The following SLMAP variants were observed in gnomAD, a reference collection of about 807,000 sequenced individuals.
The protein encoded by SLMAP is sarcolemmal membrane-associated protein.
A neutral mutation model predicts 128.8 loss-of-function variants in SLMAP; 44 were observed. That is an observed-to-expected ratio of 0.34 (90% CI 0.27 to 0.44). The LOEUF is 0.44. SLMAP is among the 20% of genes least tolerant of loss of function. The pLI is 1.00. For missense variants in SLMAP, 787 were observed against 985.3 expected (o/e 0.80, Z 2.69); for synonymous variants, 327 against 348.8 (o/e 0.94, Z 0.70).
At chr3:57,853,608 C>T (rs2094583674) in intron 6 of SLMAP, among the ~76,000 whole-genome samples, 1 of 152,036 alleles carries the variant, frequency 6.6e-6, no homozygotes, top group Admixed American at 6.6e-5. Flanking sequence ...AACAAGCCAC[C>T]TAAAGTTTAG....
intron 2 of SLMAP, among the ~76,000 whole-genome samples, chr3:57,828,710 T>G (rs1167735602): frequency 6.6e-6 from 1 of 152,152 alleles, no homozygotes; most frequent in Non-Finnish European, 1.5e-5. Context: ...AGGCCAAAGG[T>G]ACCATGGTAT....
chr3:57,770,508 T>C (rs2080630344), intron 2 of SLMAP, among the ~76,000 whole-genome samples: 1 of 151,942 alleles, frequency 6.6e-6, no homozygotes, highest in Non-Finnish European at 1.5e-5. Flanking sequence ...GGGAAGAAAA[T>C]AGAGCTGCTG....
chr3:57,906,760 A>G (rs2096580125), intron 17 of SLMAP, among the ~76,000 whole-genome samples: 1 of 150,506 alleles, frequency 6.6e-6, no homozygotes, highest in African/African-American at 2.4e-5. Context: ...TTTTTGATGA[A>G]TTGAAGTTAT....
At chr3:57,865,622 C>T (rs748649673) in intron 13 of SLMAP, among the ~76,000 whole-genome samples, 9 of 152,180 alleles carry the variant, frequency 5.9e-5, no homozygotes, top group Non-Finnish European at 1.2e-4. Flanking sequence ...AGTTCTGCCT[C>T]CAGTGATACT....
At chr3:57,874,807 C>T (rs951724071) in intron 14 of SLMAP, among the ~76,000 whole-genome samples, 19 of 149,302 alleles carry the variant, frequency 1.3e-4, no homozygotes, top group Admixed American at 8.1e-4. Context: ...TGCAGTGAGC[C>T]GAGATTGTGC....
At chr3:57,861,759 G>A (rs983298242) in intron 9 of SLMAP, among the ~76,000 whole-genome samples, 190 bp from the exon 10 acceptor site, 3 of 151,962 alleles carry the variant, frequency 2.0e-5, no homozygotes, top group African/African-American at 7.3e-5. Context: ...TTAATTCTTA[G>A]TTATGTTTTC....
At chr3:57,879,136 G>T (rs1049508310) in intron 14 of SLMAP, among the ~76,000 whole-genome samples, 1 of 152,192 alleles carries the variant, frequency 6.6e-6, no homozygotes, top group African/African-American at 2.4e-5. Context: ...GAGATTACAG[G>T]CATGAGCCAC....
intron 4 of SLMAP, among the ~76,000 whole-genome samples, chr3:57,846,083 G>A (rs1040969375): frequency 5.9e-5 from 9 of 152,016 alleles, no homozygotes; most frequent in Admixed American, 1.3e-4. Context: ...CTCGTGATCC[G>A]CCCACCTTGG....
chr3:57,810,111 G>A (rs961575122), intron 2 of SLMAP, among the ~76,000 whole-genome samples: 1 of 152,136 alleles, frequency 6.6e-6, no homozygotes, highest in Non-Finnish European at 1.5e-5. Flanking sequence ...AAGCTTCCAG[G>A]TGCCACCATG....
chr3:57,893,349 G>C (rs897014555), intron 15 of SLMAP, among the ~76,000 whole-genome samples: 2 of 151,790 alleles, frequency 1.3e-5, no homozygotes, highest in Non-Finnish European at 2.9e-5. Context: ...TGGGAGGATG[G>C]CTTGAGCCCA....
chr3:57,839,235 T>C (rs1057302874), intron 3 of SLMAP, among the ~76,000 whole-genome samples: 5 of 151,720 alleles, frequency 3.3e-5, no homozygotes, highest in African/African-American at 1.2e-4. Flanking sequence ...CACTGTGCCC[T>C]GCCAATAGAT....
In SLMAP at chr3:57,757,272, C is replaced by G. The variant is rs561773912; in HGVS notation, c.-380C>G. On this transcript the variant is annotated 5_prime_UTR_variant, in exon 2 of 25. Transcript: ENST00000671191. ...GGGGAAAAGCGGCCGCGATCTCAAA[C>G]CAAACACAAGAATTGGCGTGTGACT... The G allele has an allele frequency of 3.4e-6, 1 of 293,002 alleles. No homozygotes were observed. The highest frequency in any genetic ancestry group is 6.6e-6 in the Non-Finnish European group (1 of 152,000). The allele number at this position is 293,002 out of a possible 1,614,324, so 18.2% of individuals were successfully genotyped here. A position where few individuals can be genotyped will look rare whatever the true frequency, so the allele number is the denominator to read the frequency against.
intron 13 of SLMAP, among the ~76,000 whole-genome samples, chr3:57,869,677 C>T (rs1243714011): frequency 1.1e-5 from 1 of 93,062 alleles, no homozygotes; most frequent in African/African-American, 4.1e-5. Context: ...ATAAACAAAA[C>T]AAATTCTAAT....
At position 57,757,352 on chromosome 3, in the gene SLMAP, G is replaced by A. The variant is rs1404195149; in HGVS notation, c.-300G>A. On this transcript the variant is annotated 5_prime_UTR_variant, in exon 2 of 25. Coordinates refer to ENST00000671191, the MANE Select transcript of SLMAP (RefSeq NM_001377540.1). ...CTGTGTTCCAGGAGTTTTCTTGGCC[G>A]AAGCTGCCCGATGTTTGAGCCTTTT... 1.1e-5 allele frequency: 5 copies of A among 453,934 alleles called. No homozygotes were observed. Among genetic ancestry groups the A allele is most frequent in the Non-Finnish European group, 1.6e-5 (4 of 246,774 alleles). The allele number at this position is 453,934 out of a possible 1,614,324, so 28.1% of individuals were successfully genotyped here. A position where few individuals can be genotyped will look rare whatever the true frequency, so the allele number is the denominator to read the frequency against.
chr3:57,811,070 T>C (rs890082273), intron 2 of SLMAP, among the ~76,000 whole-genome samples: 4 of 152,218 alleles, frequency 2.6e-5, no homozygotes, highest in African/African-American at 9.6e-5. Context: ...AAAAAATTTT[T>C]ATTGTGATAA....
At chr3:57,882,007 TTAAA>T (rs367882992) in intron 14 of SLMAP, among the ~76,000 whole-genome samples, 7 of 151,958 alleles carry the variant, frequency 4.6e-5, no homozygotes, top group African/African-American at 9.7e-5. Flanking sequence ...ATGCCATATC[TTAAA>T]TAAATAAATA....
intron 2 of SLMAP, among the ~76,000 whole-genome samples, chr3:57,796,429 C>T (rs1023196243): frequency 1.3e-5 from 2 of 152,254 alleles, no homozygotes; most frequent in Non-Finnish European, 2.9e-5. Flanking sequence ...GGGTGTGAAT[C>T]GTGGCTGTGT....
chr3:57,768,730 TA>T (rs2080218060), intron 2 of SLMAP, among the ~76,000 whole-genome samples: 1 of 152,176 alleles, frequency 6.6e-6, no homozygotes. Context: ...TAGATGTGAC[TA>T]ACATTTATAC....
intron 5 of SLMAP, among the ~76,000 whole-genome samples, chr3:57,848,319 T>C (rs922765160): frequency 1.3e-5 from 2 of 150,360 alleles, no homozygotes; most frequent in African/African-American, 4.9e-5. Flanking sequence ...TCCCTTCTTC[T>C]CCCCCTTCTC....
Sources: gnomAD v4.1 joint callset for allele counts (sites outside exome capture counted in the v4.1 genomes callset) on GRCh38, gnomAD v4.1.1 for gene constraint, MANE v1.5 for transcripts, NCBI Gene and HGNC (gene_info 2026-07-23, HGNC 2026-07-21) for gene names.